GSK3B: variants seen among roughly 807,000 people sequenced by gnomAD.
GSK3B encodes the protein glycogen synthase kinase-3 beta.
Under a neutral mutation model 56.4 loss-of-function variants are expected in GSK3B, and 15 were observed. The ratio of observed to expected loss-of-function variants is 0.27; its 90% CI spans 0.18 to 0.41. The LOEUF (loss-of-function observed/expected upper bound fraction) is 0.41. Ranked by LOEUF, GSK3B falls within the 10% of genes least tolerant of loss-of-function variation. GSK3B has a pLI of 1.00. For missense variants in GSK3B, 300 were observed against 513.4 expected (o/e 0.58, Z 4.02); for synonymous variants, 181 against 188.9 (o/e 0.96, Z 0.34).
At chr3:119,892,266 C>A (rs890637159) in intron 7 of GSK3B, among the ~76,000 whole-genome samples, 1 of 152,022 alleles carries the variant, frequency 6.6e-6, no homozygotes, top group East Asian at 1.9e-4. Flanking sequence ...GATCTGGCCA[C>A]TGTCAACAGC....
Position 120,080,038 on chromosome 3 carries a change from C to T in GSK3B, c.88+13309G>A, listed in dbSNP as rs77708144. Reference sequence around the variant, plus strand: ...GGCCAGGTGAGGTGGCACACACCTGCAATCCCAGCACTTTGAGAGACCAAG... The same window carrying T: ...GGCCAGGTGAGGTGGCACACACCTGTAATCCCAGCACTTTGAGAGACCAAG... On this transcript the variant is annotated intron_variant, in intron 1 of 10. Transcript: ENST00000264235. Among the ~76,000 whole-genome samples, 686 of 152,220 alleles carry T rather than the reference C, an allele frequency of 4.5e-3. 5 individuals are homozygous for T. The highest frequency in any genetic ancestry group is 0.016 in the African/African-American group (672 of 41,538).
At chr3:119,917,671 TAAA>T (rs11286440) in intron 4 of GSK3B, among the ~76,000 whole-genome samples, 1 of 144,850 alleles carries the variant, frequency 6.9e-6, no homozygotes, top group African/African-American at 2.5e-5. Flanking sequence ...TTTTTTTTTT[TAAA>T]AAAAAAAAGC....
chr3:119,830,856 G>C (rs980855818), intron 10 of GSK3B, among the ~76,000 whole-genome samples: 1 of 152,148 alleles, frequency 6.6e-6, no homozygotes, highest in Admixed American at 6.5e-5. Flanking sequence ...CCTATGAAAT[G>C]AGGCCTATGA....
At chr3:120,088,385 CTTCT>C (rs2058483254) in intron 1 of GSK3B, among the ~76,000 whole-genome samples, 1 of 152,074 alleles carries the variant, frequency 6.6e-6, no homozygotes, top group Non-Finnish European at 1.5e-5. Flanking sequence ...GGAAAACAAA[CTTCT>C]TTAACTCTAC....
At chr3:119,951,565 GTC>G (rs2057157640) in intron 2 of GSK3B, among the ~76,000 whole-genome samples, 1 of 152,006 alleles carries the variant, frequency 6.6e-6, no homozygotes, top group Non-Finnish European at 1.5e-5. Context: ...GCCAGAATCT[GTC>G]TCAAAAAAAT....
chr3:119,892,324 G>T (rs2056511783), intron 7 of GSK3B, among the ~76,000 whole-genome samples: 1 of 152,088 alleles, frequency 6.6e-6, no homozygotes, highest in African/African-American at 2.4e-5. Flanking sequence ...AACCCCACCA[G>T]GCAGAACCTT....
chr3:120,035,804 G>A (rs1432428139), intron 1 of GSK3B, among the ~76,000 whole-genome samples: 2 of 152,140 alleles, frequency 1.3e-5, no homozygotes, highest in Non-Finnish European at 2.9e-5. Context: ...CAGAAACATA[G>A]TTGATTTTTA....
intron 7 of GSK3B, among the ~76,000 whole-genome samples, chr3:119,884,852 T>C (rs561587011): frequency 6.6e-6 from 1 of 152,106 alleles, no homozygotes; most frequent in South Asian, 2.1e-4. Flanking sequence ...CCTATCATGG[T>C]AATTCAACTT....
At chr3:120,065,596 A>T (rs1284999208) in intron 1 of GSK3B, among the ~76,000 whole-genome samples, 1 of 152,204 alleles carries the variant, frequency 6.6e-6, no homozygotes, top group Non-Finnish European at 1.5e-5. Flanking sequence ...ATGACCCTGC[A>T]ATTTCATTAT....
rs1352396321 is a variant in GSK3B at position 119,823,165 on chromosome 3, CAA to C, written c.*3621_*3622del. The C allele has an allele frequency of 4.4e-6, 1 of 229,534 alleles. No individual in the cohort carries two copies. Among genetic ancestry groups the C allele is most frequent in the Non-Finnish European group, 8.6e-6 (1 of 115,810 alleles). The allele number at this position is 229,534 out of a possible 1,614,324, so 14.2% of individuals were successfully genotyped here. Reference sequence around the variant, plus strand: ...TGGTTTGGTAGTTTTTTCTTCTATTCAAGACATTTTATATGGACTACTTTGAG... The same window carrying C: ...TGGTTTGGTAGTTTTTTCTTCTATTCGACATTTTATATGGACTACTTTGAG... On this transcript the variant is annotated 3_prime_UTR_variant, in exon 11 of 11. Coordinates refer to ENST00000264235, the MANE Select transcript of GSK3B (RefSeq NM_001146156.2).
In GSK3B at chr3:120,094,083, G is replaced by A; in HGVS notation, c.-649C>T. 1 of 228,942 alleles carries A rather than the reference G, an allele frequency of 4.4e-6. No individual in the cohort carries two copies. Among genetic ancestry groups the A allele is most frequent in the Non-Finnish European group, 8.7e-6 (1 of 114,998 alleles). 14.2% of individuals were successfully genotyped at this position (228,942 alleles called of 1,614,324 possible). On this transcript the variant is annotated 5_prime_UTR_variant, in exon 1 of 11. Coordinates refer to ENST00000264235, the MANE Select transcript of GSK3B (RefSeq NM_001146156.2). ...GGCTCCTCTCCTCATTGCGCCAGGA[G>A]CAGCTGCAGGCGGCGGCTGGATCCA...
chr3:119,933,020 C>T (rs2056961560), intron 3 of GSK3B, among the ~76,000 whole-genome samples: 1 of 152,134 alleles, frequency 6.6e-6, no homozygotes, highest in South Asian at 2.1e-4. Flanking sequence ...ATTGCTTGAA[C>T]CCCGGAGGTG....
chr3:120,084,571 G>T (rs537570082), intron 1 of GSK3B: 3 of 152,250 alleles, frequency 2.0e-5, no homozygotes, highest in African/African-American at 7.2e-5. Flanking sequence ...GAAACCGTAC[G>T]CTCTTAAAGA....
chr3:119,877,352 T>G (rs935098378), intron 7 of GSK3B, among the ~76,000 whole-genome samples: 1 of 152,166 alleles, frequency 6.6e-6, no homozygotes, highest in Non-Finnish European at 1.5e-5. Context: ...AATGGCATAA[T>G]AGTTGCATAT....
At chr3:120,073,697 A>T (rs1440495125) in intron 1 of GSK3B, among the ~76,000 whole-genome samples, 1 of 152,228 alleles carries the variant, frequency 6.6e-6, no homozygotes, top group Admixed American at 6.5e-5. Flanking sequence ...TATAAAGGCC[A>T]TACAGTGGAG....
chr3:120,073,494 C>G (rs944726642), intron 1 of GSK3B, among the ~76,000 whole-genome samples: 4 of 152,082 alleles, frequency 2.6e-5, no homozygotes, highest in Non-Finnish European at 5.9e-5. Flanking sequence ...TATAGCTAGC[C>G]AGATCAGTTT....
intron 8 of GSK3B, among the ~76,000 whole-genome samples, chr3:119,870,491 T>G (rs1475027630): frequency 6.6e-6 from 1 of 152,212 alleles, no homozygotes; most frequent in Non-Finnish European, 1.5e-5. Context: ...ACAAGCAATC[T>G]GAAAATTATG....
chr3:119,831,619 T>C (rs960159297), intron 10 of GSK3B, among the ~76,000 whole-genome samples: 2 of 148,660 alleles, frequency 1.3e-5, no homozygotes, highest in Middle Eastern at 3.2e-3. Context: ...ATCATGCCAC[T>C]GCACTCCAGC....
intron 2 of GSK3B, among the ~76,000 whole-genome samples, chr3:119,984,404 A>C (rs970279014): frequency 0.026 from 3,939 of 150,808 alleles, 183 homozygotes; most frequent in African/African-American, 0.089. Flanking sequence ...TTAAAAAAAA[A>C]AAAAAATCAA....
Sources: allele counts gnomAD v4.1 joint callset (sites outside exome capture counted in the v4.1 genomes callset), GRCh38; gene constraint gnomAD v4.1.1; transcripts MANE v1.5; gene names NCBI Gene and HGNC (gene_info 2026-07-23, HGNC 2026-07-21).